The following EAF2 variants were observed in gnomAD, a reference collection of about 807,000 sequenced individuals.
The protein encoded by EAF2 is ELL associated factor 2.
A neutral mutation model predicts 29.4 loss-of-function variants in EAF2; 29 were observed. The ratio of observed to expected loss-of-function variants is 0.99; its 90% CI spans 0.73 to 1.35. The LOEUF is 1.35. EAF2 is among the 40% of genes most tolerant of loss of function. The probability of loss-of-function intolerance (pLI) is 0.00; values close to 1 mark genes in which losing one functional copy is unlikely to be tolerated. For missense variants in EAF2, 292 were observed against 312.0 expected, an observed-to-expected ratio of 0.94 and a Z score of 0.48; for synonymous variants, 103 against 102.5, an observed-to-expected ratio of 1.00 and a Z score of -0.03.
chr3:121,879,089 T>A (rs1268997836), intron 5 of EAF2, among the ~76,000 whole-genome samples: 1 of 152,246 alleles, frequency 6.6e-6, no homozygotes, highest in African/African-American at 2.4e-5. Flanking sequence ...TGTCTCATTA[T>A]GCTTTTGATA....
At chr3:121,870,324 T>C (rs893938827) in intron 4 of EAF2, among the ~76,000 whole-genome samples, 4 of 152,166 alleles carry the variant, frequency 2.6e-5, no homozygotes, top group Non-Finnish European at 5.9e-5. Flanking sequence ...ACAATAATTA[T>C]GCAACATGAA....
At chr3:121,835,711 A>G (rs951976877) in intron 1 of EAF2, among the ~76,000 whole-genome samples, 1 of 152,144 alleles carries the variant, frequency 6.6e-6, no homozygotes, top group Admixed American at 6.5e-5. Flanking sequence ...GTGGACAGGA[A>G]AATAATAAGG....
chr3:121,883,629 CA>C (rs1401153238), intron 5 of EAF2, among the ~76,000 whole-genome samples: 2 of 152,216 alleles, frequency 1.3e-5, no homozygotes, highest in Non-Finnish European at 2.9e-5. Flanking sequence ...AGACATTTAG[CA>C]TTCCTAAACT....
intron 5 of EAF2, among the ~76,000 whole-genome samples, chr3:121,874,517 A>G (rs1709064823): frequency 6.6e-6 from 1 of 151,860 alleles, no homozygotes; most frequent in African/African-American, 2.4e-5. Flanking sequence ...GAATCAGCAT[A>G]TCAGTATTAT....
chr3:121,843,739 T>C (rs1708472756), intron 1 of EAF2, among the ~76,000 whole-genome samples: 1 of 152,164 alleles, frequency 6.6e-6, no homozygotes, highest in Non-Finnish European at 1.5e-5. Flanking sequence ...TAGATTTTAA[T>C]GGCATCGTTT....
At chr3:121,861,417 T>A (rs1334688815) in intron 4 of EAF2, among the ~76,000 whole-genome samples, 1 of 152,218 alleles carries the variant, frequency 6.6e-6, no homozygotes, top group Non-Finnish European at 1.5e-5. Flanking sequence ...CCCTTTCCAT[T>A]ATGTAATGGC....
At chr3:121,864,674 G>T (rs535710271) in intron 4 of EAF2, among the ~76,000 whole-genome samples, 1 of 151,842 alleles carries the variant, frequency 6.6e-6, no homozygotes, top group East Asian at 1.9e-4. Context: ...AAATTAGCTG[G>T]GTGTGGTGGT....
chr3:121,837,325 A>G (rs771446831), intron 1 of EAF2: 6 of 152,206 alleles, frequency 3.9e-5, no homozygotes, highest in Admixed American at 1.3e-4. Context: ...GTAGAATAGT[A>G]TGAAGCTGAT....
At chr3:121,837,574 C>T (rs1708326894) in intron 1 of EAF2, 1 of 152,100 alleles carries the variant, frequency 6.6e-6, no homozygotes, top group African/African-American at 2.4e-5. Context: ...GTAATATTTA[C>T]ATTTCATGGT....
chr3:121,879,503 G>T (rs773701887), intron 5 of EAF2, among the ~76,000 whole-genome samples: 20 of 151,990 alleles, frequency 1.3e-4, no homozygotes, highest in Non-Finnish European at 2.5e-4. Context: ...TTTTCTTCTA[G>T]TAGTTTCACA....
At chr3:121,845,093 C>T (rs903252398) in intron 2 of EAF2, among the ~76,000 whole-genome samples, 5 of 151,978 alleles carry the variant, frequency 3.3e-5, no homozygotes, top group Non-Finnish European at 4.4e-5. Context: ...GCTCTGATGC[C>T]GAAAGAACAA....
At chr3:121,875,612 A>C (rs1709081983) in intron 5 of EAF2, among the ~76,000 whole-genome samples, 1 of 152,048 alleles carries the variant, frequency 6.6e-6, no homozygotes, top group Non-Finnish European at 1.5e-5. Flanking sequence ...CAGTTAGAGC[A>C]GGGATTCTTT....
intron 5 of EAF2, among the ~76,000 whole-genome samples, chr3:121,876,113 A>G (rs1244761412): frequency 6.6e-6 from 1 of 151,950 alleles, no homozygotes; most frequent in Non-Finnish European, 1.5e-5. Context: ...ACCTCAAAAC[A>G]TGATAGTGAA....
At chr3:121,854,558 A>C (rs992097569) in intron 2 of EAF2, 129 bp from the exon 3 acceptor site, 1 of 676,822 alleles carries the variant, frequency 1.5e-6, no homozygotes, top group Non-Finnish European at 2.2e-6. Context: ...CAGGGTAGTA[A>C]ATTTAGGTAG....
intron 1 of EAF2, among the ~76,000 whole-genome samples, chr3:121,843,906 T>C (rs1214663363): frequency 1.3e-5 from 2 of 152,162 alleles, no homozygotes; most frequent in African/African-American, 4.8e-5. Context: ...TAATATGTAC[T>C]GTATTTGCTA....
intron 4 of EAF2, among the ~76,000 whole-genome samples, chr3:121,858,636 G>A (rs1322799247): frequency 6.6e-6 from 1 of 152,048 alleles, no homozygotes; most frequent in East Asian, 1.9e-4. Context: ...TCACTCTGAT[G>A]GTAGTTTCTT....
intron 5 of EAF2, among the ~76,000 whole-genome samples, chr3:121,875,709 C>T (rs933822195): frequency 2.0e-5 from 3 of 151,664 alleles, no homozygotes; most frequent in Non-Finnish European, 4.4e-5. Context: ...AATGAAGATA[C>T]AGCTTTTAAA....
chr3:121,856,395 T>G lies in EAF2; in HGVS notation c.339-616T>G, dbSNP rs142457952. Reference sequence around the variant, plus strand: ...GGTCTCGTTATATTGCCCAGGCTGGTCTTGAACTCCTGGCCTCAAACCATC... The same window carrying G: ...GGTCTCGTTATATTGCCCAGGCTGGGCTTGAACTCCTGGCCTCAAACCATC... On this transcript the variant is annotated intron_variant, in intron 3 of 5. Coordinates refer to ENST00000273668, the MANE Select transcript of EAF2 (RefSeq NM_018456.6). 7.1e-3 allele frequency among the ~76,000 whole-genome samples: 1,078 copies of G among 151,952 alleles called. 16 individuals carry two copies. Among genetic ancestry groups the G allele is most frequent in the African/African-American group, 0.025 (1,016 of 41,430 alleles).
intron 5 of EAF2, among the ~76,000 whole-genome samples, chr3:121,878,880 G>A (rs1352063006): frequency 6.6e-6 from 1 of 152,066 alleles, no homozygotes; most frequent in Admixed American, 6.5e-5. Flanking sequence ...GATATACTGA[G>A]TTCCTTTCTT....
Sources: gnomAD v4.1 joint callset for allele counts (sites outside exome capture counted in the v4.1 genomes callset) on GRCh38, gnomAD v4.1.1 for gene constraint, MANE v1.5 for transcripts, NCBI Gene and HGNC (gene_info 2026-07-23, HGNC 2026-07-21) for gene names.